Variants in PLCG2 observed in about 807,000 individuals in gnomAD.
PLCG2 encodes the protein 1-phosphatidylinositol 4,5-bisphosphate phosphodiesterase gamma-2.
In PLCG2, 69 loss-of-function variants were observed where a neutral mutation model predicts 175.6. That is an observed-to-expected ratio of 0.39 (90% CI 0.32 to 0.48). PLCG2 has a LOEUF of 0.48. Ranked by LOEUF, PLCG2 falls within the 20% of genes least tolerant of loss-of-function variation. The pLI is 0.91. For synonymous variants in PLCG2, 827 were observed against 624.0 expected (o/e 1.33, Z -4.85); for missense variants, 1,798 against 1,650.9 (o/e 1.09, Z -1.54).
chr16:81,770,636 G>A (rs1044053627), intron 2 of PLCG2, among the ~76,000 whole-genome samples: 1 of 151,850 alleles, frequency 6.6e-6, no homozygotes, highest in African/African-American at 2.4e-5. Context: ...GATTGTATGA[G>A]CCCGGCGGAG....
At chr16:81,826,162 C>A (rs1905038198) in intron 2 of PLCG2, among the ~76,000 whole-genome samples, 1 of 152,164 alleles carries the variant, frequency 6.6e-6, no homozygotes, top group South Asian at 2.1e-4. Context: ...CAGCCAGGTC[C>A]CCATGCCAGA....
At chr16:81,834,546 G>C (rs1199126897) in intron 2 of PLCG2, among the ~76,000 whole-genome samples, 1 of 152,066 alleles carries the variant, frequency 6.6e-6, no homozygotes, top group Non-Finnish European at 1.5e-5. Flanking sequence ...TGAGATGATG[G>C]ACAGAGAGCA....
chr16:81,927,096 A>C lies in PLCG2; in HGVS notation c.2432A>C (p.Tyr811Ser). ...KEPGGWWKGDYGTRIQQYFPS... is the reference protein window; with the variant it reads ...KEPGGWWKGDSGTRIQQYFPS... ...TTCTTATCCAGGTGGAAAGGAGACT[A>C]TGGAACCAGGATCCAGCAGTACTTC... is the stretch of plus-strand genomic sequence containing the variant. Residue 811 changes from tyrosine (Y) to serine (S), a missense_variant, in exon 23 of 33, where the codon TAT (tyrosine) becomes TCT (serine). Tyr to Ser is a moderately radical substitution (Grantham distance 144). Coordinates refer to ENST00000564138, the MANE Select transcript of PLCG2 (RefSeq NM_002661.5). 6.2e-7 allele frequency: 1 copy of C among 1,612,678 alleles called. No homozygotes were observed. Among genetic ancestry groups the C allele is most frequent in the Non-Finnish European group, 8.5e-7 (1 of 1,178,678 alleles).
At chr16:81,783,116 C>G (rs1444710967) in intron 1 of PLCG2, 2 of 488,478 alleles carry the variant, frequency 4.1e-6, no homozygotes, top group African/African-American at 1.9e-5. Context: ...GGTCCCTTGT[C>G]CTGGTTTCTG....
intron 5 of PLCG2, among the ~76,000 whole-genome samples, chr16:81,867,185 T>C (rs1597363080): frequency 6.6e-6 from 1 of 152,212 alleles, no homozygotes; most frequent in Non-Finnish European, 1.5e-5. Flanking sequence ...GGCTGGGCAG[T>C]GACGCGCTAC....
chr16:81,754,315 C>A (rs1299737501), intron 1 of PLCG2, among the ~76,000 whole-genome samples: 1 of 102,518 alleles, frequency 9.8e-6, no homozygotes, highest in Non-Finnish European at 2.0e-5. Context: ...TCCCCCACCT[C>A]CTTCCCCTGT....
intron 2 of PLCG2, among the ~76,000 whole-genome samples, chr16:81,847,553 C>G (rs1335738955): frequency 6.6e-6 from 1 of 152,042 alleles, no homozygotes; most frequent in East Asian, 1.9e-4. Flanking sequence ...ACTGCAGATT[C>G]CAAGGGTGTT....
At chr16:81,743,988 A>G (rs547963835) in intron 1 of PLCG2, among the ~76,000 whole-genome samples, 11 of 151,084 alleles carry the variant, frequency 7.3e-5, no homozygotes, top group African/African-American at 2.7e-4. Context: ...CCTCCCAAGT[A>G]GCTGAGATTA....
chr16:81,908,865 CAA>C (rs1447906001), intron 17 of PLCG2, among the ~76,000 whole-genome samples: 1 of 152,162 alleles, frequency 6.6e-6, no homozygotes, highest in African/African-American at 2.4e-5. Flanking sequence ...ACATTTTAAA[CAA>C]AGACAAGATC....
At chr16:81,866,813 C>G (rs568698944) in intron 5 of PLCG2, among the ~76,000 whole-genome samples, 1 of 152,224 alleles carries the variant, frequency 6.6e-6, no homozygotes, top group Non-Finnish European at 1.5e-5. Flanking sequence ...CGACCCCTCT[C>G]GCTGCCGCTC....
At chr16:81,803,527 C>T (rs1221337927) in intron 2 of PLCG2, among the ~76,000 whole-genome samples, 2 of 148,956 alleles carry the variant, frequency 1.3e-5, no homozygotes, top group East Asian at 2.0e-4. Context: ...TCTTTCTTTC[C>T]TTTCTTTCTT....
At chr16:81,892,462 A>T (rs1487668795) in intron 11 of PLCG2, among the ~76,000 whole-genome samples, 1 of 152,132 alleles carries the variant, frequency 6.6e-6, no homozygotes, top group African/African-American at 2.4e-5. Flanking sequence ...CCTAAGTGAC[A>T]TTCCAGGGGG....
intron 2 of PLCG2, among the ~76,000 whole-genome samples, chr16:81,829,296 A>G (rs111327850): frequency 4.3e-4 from 66 of 152,208 alleles, no homozygotes; most frequent in African/African-American, 1.5e-3. Flanking sequence ...TTTAGTAGAG[A>G]TGGGATTTCA....
At chr16:81,894,086 A>C (rs1034205074) in intron 12 of PLCG2, among the ~76,000 whole-genome samples, 3 of 151,336 alleles carry the variant, frequency 2.0e-5, no homozygotes, top group Non-Finnish European at 2.9e-5. Flanking sequence ...CTAGGTGTGC[A>C]CAGGTACCGC....
In PLCG2 at chr16:81,936,390, C is replaced by T. The variant is rs940572000; in HGVS notation, c.3052+12C>T. 3 of 1,610,194 alleles carry T rather than the reference C, an allele frequency of 1.9e-6. No individual in the cohort carries two copies. In the East Asian group the frequency reaches 6.7e-5, roughly 36 times the overall value. On this transcript the variant is annotated intron_variant, in intron 27 of 32. Coordinates refer to ENST00000564138, the MANE Select transcript of PLCG2 (RefSeq NM_002661.5). Reference sequence around the variant, plus strand: ...TTTCCAGACGGCAGGTAAAGGCCGACTGAAGGTAGTCCCGTCCCTGCAAGG... The same window carrying T: ...TTTCCAGACGGCAGGTAAAGGCCGATTGAAGGTAGTCCCGTCCCTGCAAGG...
intron 2 of PLCG2, among the ~76,000 whole-genome samples, chr16:81,799,491 CA>C (rs1911624648): frequency 6.6e-6 from 1 of 152,138 alleles, no homozygotes; most frequent in African/African-American, 2.4e-5. Flanking sequence ...GTGGTGTGAC[CA>C]TAGGTCACTG....
intron 2 of PLCG2, among the ~76,000 whole-genome samples, chr16:81,825,474 T>C (rs1278699298): frequency 2.0e-5 from 3 of 152,012 alleles, no homozygotes; most frequent in African/African-American, 4.8e-5. Context: ...TTTGTATTTT[T>C]AGTAGAGACA....
chr16:81,911,346 G>C (rs1406316526), intron 18 of PLCG2, among the ~76,000 whole-genome samples: 1 of 152,108 alleles, frequency 6.6e-6, no homozygotes, highest in Non-Finnish European at 1.5e-5. Context: ...AACTCCTGCT[G>C]TGATCTCCGT....
chr16:81,956,764 C>G lies in PLCG2; in HGVS notation c.3640C>G (p.Leu1214Val), dbSNP rs1911585372. 1 of 1,614,112 alleles carries G rather than the reference C, an allele frequency of 6.2e-7. No individual in the cohort carries two copies. The highest frequency in any genetic ancestry group is 8.5e-7 in the Non-Finnish European group (1 of 1,179,968). Residue 1214 changes from leucine (L) to valine (V), a missense_variant, in exon 32 of 33, where the codon CTC (leucine) becomes GTC (valine). Physicochemically the swap from Leu to Val is conservative, Grantham distance 32 (BLOSUM62 1). Transcript: ENST00000564138. ...RRRQEELNNQ[L>V]FLYDTHQNLR... ...GCGGCAAGAAGAACTGAACAACCAG[C>G]TCTTTCTGTATGACACACACCAGAA...
Sources: allele counts gnomAD v4.1 joint callset (sites outside exome capture counted in the v4.1 genomes callset), GRCh38; gene constraint gnomAD v4.1.1; transcripts MANE v1.5; gene names NCBI Gene and HGNC (gene_info 2026-07-23, HGNC 2026-07-21).